Variants in CDC42BPA observed in about 807,000 individuals in gnomAD.
CDC42BPA encodes serine/threonine-protein kinase MRCK alpha.
Under a neutral mutation model 223.5 loss-of-function variants are expected in CDC42BPA, and 80 were observed. That is an observed-to-expected ratio of 0.36 (90% CI 0.30 to 0.43). The LOEUF (loss-of-function observed/expected upper bound fraction) is 0.43. Among genes scored for constraint, CDC42BPA ranks in the 20% least tolerant of loss-of-function variants. CDC42BPA has a pLI of 1.00. For missense variants in CDC42BPA, 1,743 were observed against 2,099.9 expected (o/e 0.83, Z 3.32); for synonymous variants, 694 against 718.6 (o/e 0.97, Z 0.55).
At chr1:227,016,792 T>C (rs1471400657) in intron 33 of CDC42BPA, 135 bp downstream of exon 33, 3 of 754,540 alleles carry the variant, frequency 4.0e-6, no homozygotes, top group Non-Finnish European at 6.2e-6. Flanking sequence ...ACATTCATTA[T>C]TGCAGTTTTT....
intron 27 of CDC42BPA, among the ~76,000 whole-genome samples, chr1:227,033,087 A>T (rs1372721219): frequency 6.6e-6 from 1 of 152,114 alleles, no homozygotes; most frequent in Non-Finnish European, 1.5e-5. Context: ...ATTGAATTGG[A>T]ACTAAAAAAT....
intron 16 of CDC42BPA, among the ~76,000 whole-genome samples, chr1:227,088,161 T>C (rs939449636): frequency 2.0e-5 from 3 of 152,226 alleles, no homozygotes; most frequent in Admixed American, 6.5e-5. Context: ...ATTCTTGTGA[T>C]TGGGAAAGTA....
intron 5 of CDC42BPA, among the ~76,000 whole-genome samples, chr1:227,193,309 C>T (rs1448120854): frequency 6.6e-6 from 1 of 152,020 alleles, no homozygotes; most frequent in Non-Finnish European, 1.5e-5. Flanking sequence ...ATCTGCCCGC[C>T]TTGACCTCCC....
chr1:227,106,738 G>A (rs547109142), intron 14 of CDC42BPA, among the ~76,000 whole-genome samples: 1 of 152,278 alleles, frequency 6.6e-6, no homozygotes, highest in East Asian at 1.9e-4. Context: ...GAGTTAATTT[G>A]TATAACTGGT....
intron 5 of CDC42BPA, among the ~76,000 whole-genome samples, chr1:227,172,977 C>T (rs1199273106): frequency 1.3e-5 from 2 of 152,124 alleles, no homozygotes; most frequent in African/African-American, 4.8e-5. Flanking sequence ...GTTAAAGGCT[C>T]CTCAGGATCT....
intron 1 of CDC42BPA, chr1:227,265,326 T>C (rs777066950): frequency 7.5e-6 from 3 of 400,704 alleles, no homozygotes; most frequent in Non-Finnish European, 1.4e-5. Context: ...CAGGTACCTA[T>C]ACCTCATAAC....
intron 11 of CDC42BPA, 52 bp downstream of exon 11, chr1:227,129,057 C>A: frequency 8.1e-7 from 1 of 1,229,396 alleles, no homozygotes; most frequent in South Asian, 1.4e-5. Context: ...GTGAATAAAC[C>A]ATTTTTTAAA....
intron 35 of CDC42BPA, among the ~76,000 whole-genome samples, chr1:226,996,731 C>T (rs2148246951): frequency 6.6e-6 from 1 of 152,274 alleles, no homozygotes; most frequent in South Asian, 2.1e-4. Context: ...TGGTTTTTGT[C>T]ACTGGTTCTG....
intron 11 of CDC42BPA, among the ~76,000 whole-genome samples, chr1:227,127,980 G>A (rs1164103719): frequency 6.6e-6 from 1 of 152,058 alleles, no homozygotes; most frequent in African/African-American, 2.4e-5. Flanking sequence ...TGCTTATTCA[G>A]ATCATGTAAT....
chr1:226,991,762 T>C lies in CDC42BPA; in HGVS notation c.*2506A>G, dbSNP rs1358865671. ...CATAGCAGTGGAGCTAGACTTTAGG[T>C]AGGGTTATTATTTTGATCTTAAAAG... On this transcript the variant is annotated 3_prime_UTR_variant, in exon 37 of 37. Coordinates refer to ENST00000366766, the MANE Select transcript of CDC42BPA (RefSeq NM_001394014.1). The C allele has an allele frequency of 2.6e-5, 4 of 151,754 alleles. No individual in the cohort carries two copies. Among genetic ancestry groups the C allele is most frequent in the Non-Finnish European group, 4.4e-5 (3 of 67,990 alleles). The allele number at this position is 151,754 out of a possible 1,614,324, so 9.4% of individuals were successfully genotyped here. A position where few individuals can be genotyped will look rare whatever the true frequency, so the allele number is the denominator to read the frequency against.
intron 1 of CDC42BPA, among the ~76,000 whole-genome samples, chr1:227,313,514 A>G (rs1693864537): frequency 6.6e-6 from 1 of 152,222 alleles, no homozygotes; most frequent in South Asian, 2.1e-4. Context: ...AGAATAGAAT[A>G]TTAGGTGGCT....
At chr1:227,018,468 C>T (rs1413402796) in intron 32 of CDC42BPA, among the ~76,000 whole-genome samples, 1 of 152,126 alleles carries the variant, frequency 6.6e-6, no homozygotes, top group African/African-American at 2.4e-5. Flanking sequence ...TGTCAGGTCC[C>T]TCTTCTCCAA....
chr1:227,193,063 CTTTTT>C (rs1160548241), intron 5 of CDC42BPA, among the ~76,000 whole-genome samples: 4 of 117,032 alleles, frequency 3.4e-5, no homozygotes, highest in East Asian at 2.3e-4. Context: ...GAAGTGAGAA[CTTTTT>C]TTTTTTTTTT....
chr1:227,317,409 T>C lies in CDC42BPA; in HGVS notation c.-227A>G, dbSNP rs1319899217. 1 of 442,574 alleles carries C rather than the reference T, an allele frequency of 2.3e-6. No homozygotes were observed. Among genetic ancestry groups the C allele is most frequent in the African/African-American group, 2.0e-5 (1 of 49,382 alleles). The allele number at this position is 442,574 out of a possible 1,614,324, so 27.4% of individuals were successfully genotyped here. ...CATATATTTTGAGGGTAAATTACCA[T>C]AAAATATATACTTAATGCATTTTTA... On this transcript the variant is annotated 5_prime_UTR_variant, in exon 1 of 37. The change abolishes an upstream ATG in the 5' untranslated region. Transcript: ENST00000366766.
At chr1:227,257,301 A>G (rs1683250587) in intron 1 of CDC42BPA, among the ~76,000 whole-genome samples, 1 of 151,552 alleles carries the variant, frequency 6.6e-6, no homozygotes, top group African/African-American at 2.5e-5. Context: ...ATTTAATGCC[A>G]CTGAATTGTA....
At chr1:227,121,189 T>C (rs1254876005) in intron 11 of CDC42BPA, among the ~76,000 whole-genome samples, 2 of 152,176 alleles carry the variant, frequency 1.3e-5, no homozygotes, top group African/African-American at 4.8e-5. Flanking sequence ...AACTTAGATA[T>C]GGAGAATCTC....
At chr1:227,035,236 A>G (rs1670001371) in intron 25 of CDC42BPA, among the ~76,000 whole-genome samples, 1 of 152,194 alleles carries the variant, frequency 6.6e-6, no homozygotes, top group Non-Finnish European at 1.5e-5. Context: ...CTTTATGAAG[A>G]TTTCATCACA....
At chr1:227,266,363 G>A (rs1256480684) in intron 1 of CDC42BPA, among the ~76,000 whole-genome samples, 1 of 152,134 alleles carries the variant, frequency 6.6e-6, no homozygotes, top group African/African-American at 2.4e-5. Context: ...TTTAGGAGCT[G>A]TCTTGCAACC....
At chr1:227,190,663 C>A (rs1002444175) in intron 5 of CDC42BPA, among the ~76,000 whole-genome samples, 1 of 152,180 alleles carries the variant, frequency 6.6e-6, no homozygotes, top group East Asian at 1.9e-4. Flanking sequence ...ATATGCTATA[C>A]CCACTTACTT....
Sources: allele counts gnomAD v4.1 joint callset (sites outside exome capture counted in the v4.1 genomes callset), GRCh38; gene constraint gnomAD v4.1.1; transcripts MANE v1.5; gene names NCBI Gene and HGNC (gene_info 2026-07-23, HGNC 2026-07-21).